The following GABRR1 variants were observed in gnomAD, a reference collection of about 807,000 sequenced individuals.
The protein encoded by GABRR1 is gamma-aminobutyric acid type A receptor subunit rho1.
A neutral mutation model predicts 55.5 loss-of-function variants in GABRR1; 59 were observed. That is an observed-to-expected ratio of 1.06 (90% CI 0.86 to 1.32). The LOEUF (loss-of-function observed/expected upper bound fraction) is 1.32. Ranked by LOEUF, GABRR1 falls within the 40% of genes most tolerant of loss-of-function variation. The probability of loss-of-function intolerance (pLI) is 0.00; values close to 1 mark genes in which losing one functional copy is unlikely to be tolerated. For missense variants in GABRR1, 602 were observed against 619.1 expected (o/e 0.97, Z 0.29); for synonymous variants, 213 against 226.0 (o/e 0.94, Z 0.51).
At chr6:89,194,726 T>C (rs1056401728) in intron 5 of GABRR1, among the ~76,000 whole-genome samples, 3 of 151,890 alleles carry the variant, frequency 2.0e-5, no homozygotes, top group Admixed American at 1.3e-4. Flanking sequence ...AACTGAGAAA[T>C]ACATTTGCCG....
intron 1 of GABRR1, among the ~76,000 whole-genome samples, chr6:89,204,225 T>C (rs760935250): frequency 2.6e-5 from 4 of 152,222 alleles, no homozygotes; most frequent in Non-Finnish European, 5.9e-5. Flanking sequence ...AAGGCAATGC[T>C]GTTTTCTGCC....
At chr6:89,225,552 A>C (rs76361432) in intron 1 of GABRR1, among the ~76,000 whole-genome samples, 29,904 of 117,862 alleles carry the variant, frequency 0.25, 2,518 homozygotes, top group African/African-American at 0.32. Flanking sequence ...ACTGAGAATG[A>C]TGATTTCCAA....
rs1231296828 is a variant in GABRR1 at position 89,177,765 on chromosome 6, A to T, written c.*1005T>A. ...TAGAAAATGCTGGTATTTCGAGTAT[A>T]AATGCAGATGTCCAGTGATATCTTC... On this transcript the variant is annotated 3_prime_UTR_variant, in exon 10 of 10. Transcript: ENST00000454853. The T allele has an allele frequency of 6.6e-6, 1 of 152,184 alleles. No homozygotes were observed. Among genetic ancestry groups the T allele is most frequent in the East Asian group, 1.9e-4 (1 of 5,204 alleles). 9.4% of individuals were successfully genotyped at this position (152,184 alleles called of 1,614,324 possible).
intron 7 of GABRR1, among the ~76,000 whole-genome samples, chr6:89,184,466 G>A (rs1771831717): frequency 6.6e-6 from 1 of 152,050 alleles, no homozygotes; most frequent in Non-Finnish European, 1.5e-5. Flanking sequence ...GTTCAAAAAG[G>A]AACAACTGGG....
intron 4 of GABRR1, among the ~76,000 whole-genome samples, chr6:89,198,444 C>G (rs1319323832): frequency 2.0e-5 from 3 of 151,798 alleles, no homozygotes; most frequent in Non-Finnish European, 1.5e-5. Flanking sequence ...GCGTGGAACT[C>G]AGAGAGAAGC....
chr6:89,214,850 C>T (rs539681710), intron 1 of GABRR1, among the ~76,000 whole-genome samples: 1 of 152,086 alleles, frequency 6.6e-6, no homozygotes, highest in South Asian at 2.1e-4. Context: ...CATAGTGAGA[C>T]CCTGTCTATA....
At chr6:89,229,514 A>G (rs1773250445) in intron 1 of GABRR1, among the ~76,000 whole-genome samples, 1 of 146,054 alleles carries the variant, frequency 6.8e-6, no homozygotes, top group African/African-American at 2.5e-5. Flanking sequence ...TTTCTCCTTC[A>G]CTTATGAAGC....
At chr6:89,218,112 G>C (rs532130975), upstream of GABRR1, among the ~76,000 whole-genome samples, 3 of 152,242 alleles carry the variant, frequency 2.0e-5, no homozygotes, top group South Asian at 6.2e-4. Flanking sequence ...CTACAGGCCG[G>C]ATCTTGTGTC....
At position 89,208,067 on chromosome 6, in the gene GABRR1, G is replaced by A. The variant is rs574824803; in HGVS notation, c.123-4582C>T. 1.5e-3 allele frequency among the ~76,000 whole-genome samples: 236 copies of A among 152,354 alleles called. 2 individuals carry two copies. The highest frequency in any genetic ancestry group is 2.9e-3 in the South Asian group (14 of 4,828). On this transcript the variant is annotated intron_variant, in intron 1 of 9. Coordinates refer to ENST00000454853, the MANE Select transcript of GABRR1 (RefSeq NM_002042.5). ...GCAGCCTCCCTGAGATGTGAGAGGCGCTTCGCTGCTCTAGTCCTGTTGGCT... is the reference window on the plus strand; with the variant it reads ...GCAGCCTCCCTGAGATGTGAGAGGCACTTCGCTGCTCTAGTCCTGTTGGCT...
At position 89,197,818 on chromosome 6, in the gene GABRR1, G is replaced by T. The variant is rs1772348568; in HGVS notation, c.572+202C>A. ...ATAACACATAGAATAGTATCAGTTTGAGAAATTGCCCCAAAGGTATTTTCA... is the reference window on the plus strand; with the variant it reads ...ATAACACATAGAATAGTATCAGTTTTAGAAATTGCCCCAAAGGTATTTTCA... On this transcript the variant is annotated intron_variant, in intron 5 of 9. Coordinates refer to ENST00000454853, the MANE Select transcript of GABRR1 (RefSeq NM_002042.5). Among the ~76,000 whole-genome samples, 3 of 152,158 alleles carry T rather than the reference G, an allele frequency of 2.0e-5. No individual in the cohort carries two copies. In the South Asian group the frequency reaches 6.2e-4, roughly 31 times the overall value.
chr6:89,216,073 G>A (rs1012345811), intron 1 of GABRR1, among the ~76,000 whole-genome samples: 1 of 152,158 alleles, frequency 6.6e-6, no homozygotes, highest in African/African-American at 2.4e-5. Flanking sequence ...ATGGTAATAG[G>A]GCACAGTGGC....
intron 6 of GABRR1, 21 bp downstream of exon 6, chr6:89,190,144 C>G (rs779049357): frequency 6.4e-7 from 1 of 1,572,216 alleles, no homozygotes; most frequent in Admixed American, 1.7e-5. Flanking sequence ...TGTGCTGATG[C>G]CCGGGGACAA....
chr6:89,192,874 A>T lies in GABRR1; in HGVS notation c.573-2627T>A, dbSNP rs566877464. Among the ~76,000 whole-genome samples the T allele has an allele frequency of 1.2e-4, 19 of 152,200 alleles. No individual in the cohort carries two copies. In the South Asian group the frequency reaches 3.7e-3, roughly 30 times the overall value. ...CATGCCCGGCCTCATTGACTCTTTT[A>T]TATCTTCAAGTTGACTAGGGATTCA... On this transcript the variant is annotated intron_variant, in intron 5 of 9. Coordinates refer to ENST00000454853, the MANE Select transcript of GABRR1 (RefSeq NM_002042.5).
chr6:89,180,089 A>G (rs1283228666), intron 9 of GABRR1, among the ~76,000 whole-genome samples: 1 of 151,948 alleles, frequency 6.6e-6, no homozygotes, highest in African/African-American at 2.4e-5. Flanking sequence ...AAATTTTTCA[A>G]TGAATGAAAG....
chr6:89,200,611 T>C (rs1415660926), intron 3 of GABRR1, among the ~76,000 whole-genome samples: 1 of 151,604 alleles, frequency 6.6e-6, no homozygotes. Context: ...AATAAACCCA[T>C]AAGGGTGAAA....
chr6:89,210,225 A>T (rs1366058555), intron 1 of GABRR1, among the ~76,000 whole-genome samples: 3 of 95,090 alleles, frequency 3.2e-5, no homozygotes, highest in Admixed American at 1.7e-4. Context: ...GATAGTTCTT[A>T]CTCTGTCACC....
chr6:89,211,936 G>C (rs551756717), intron 1 of GABRR1, among the ~76,000 whole-genome samples: 3 of 152,016 alleles, frequency 2.0e-5, no homozygotes, highest in Non-Finnish European at 4.4e-5. Flanking sequence ...GCTGTCTCTG[G>C]CCACCTCATC....
At chr6:89,202,366 A>C (rs370052322) in intron 2 of GABRR1, among the ~76,000 whole-genome samples, 3 of 151,122 alleles carry the variant, frequency 2.0e-5, no homozygotes, top group African/African-American at 7.3e-5. Flanking sequence ...ATCTCGGCTC[A>C]CTGCAACCTC....
rs1176012263 is a variant in GABRR1, at chr6:89,198,171, G to C, written c.421C>G (p.Leu141Val). 1.2e-6 allele frequency: 2 copies of C among 1,614,068 alleles called. No individual in the cohort carries two copies. Among genetic ancestry groups the C allele is most frequent in the East Asian group, 2.2e-5 (1 of 44,874 alleles). ...AGCCGGCCGTCAAACGTCATGCTGA[G>C]GTTGTTGGTGCTTGGAAAAGACAGC... Reference protein sequence around the residue: ...ERLSFPSTNNLSMTFDGRLVK... With the variant: ...ERLSFPSTNNVSMTFDGRLVK... The change falls in exon 5 of 10, where the codon CTC becomes GTC. Residue 141 changes from leucine to valine, a missense_variant. By Grantham distance (32) the Leu-to-Val change is conservative. Transcript: ENST00000454853.
Sources: allele counts gnomAD v4.1 joint callset (sites outside exome capture counted in the v4.1 genomes callset), GRCh38; gene constraint gnomAD v4.1.1; transcripts MANE v1.5; gene names NCBI Gene and HGNC (gene_info 2026-07-23, HGNC 2026-07-21).